DSCAML1: variants seen among roughly 807,000 people sequenced by gnomAD.
The protein encoded by DSCAML1 is cell adhesion molecule DSCAML1.
A neutral mutation model predicts 200.5 loss-of-function variants in DSCAML1; 38 were observed. The ratio of observed to expected loss-of-function variants is 0.19; its 90% confidence interval spans 0.15 to 0.25. The LOEUF (loss-of-function observed/expected upper bound fraction) is 0.25. Ranked by LOEUF, DSCAML1 falls within the 10% of genes least tolerant of loss-of-function variation. DSCAML1 has a pLI of 1.00. For synonymous variants in DSCAML1, 1,215 were observed against 1,165.0 expected, an observed-to-expected ratio of 1.04 and a Z score of -0.87; for missense variants, 2,223 against 2,858.8, an observed-to-expected ratio of 0.78 and a Z score of 5.07.
rs964815925 is a variant in DSCAML1, at chr11:117,811,304, A to G, written c.-250+6086T>C. ...AGGTCAAAAGGCCATCTTATTCTCA[A>G]TATACATTTTATTACCCAATCTGCT... is the stretch of plus-strand genomic sequence containing the variant. On this transcript the variant is annotated intron_variant, in intron 1 of 2. Transcript: ENST00000525836. Among the ~76,000 whole-genome samples, 3 of 152,328 alleles carry G rather than the reference A, an allele frequency of 2.0e-5. No homozygotes were observed. The South Asian group carries it at 6.2e-4, about 32-fold the overall frequency.
intron 3 of DSCAML1, among the ~76,000 whole-genome samples, chr11:117,557,988 T>C (rs968269042): frequency 6.6e-6 from 1 of 152,088 alleles, no homozygotes; most frequent in African/African-American, 2.4e-5. Context: ...AAGCCCGGGA[T>C]AGCAACCACA....
At chr11:117,707,209 T>C (rs656777) in intron 3 of DSCAML1, among the ~76,000 whole-genome samples, 147,751 of 152,284 alleles carry the variant, frequency 0.97, 71,843 homozygotes, top group Middle Eastern at 1. Context: ...TAGGGGAGCA[T>C]GCTATTTAGG....
At chr11:117,764,618 C>T (rs1364055148) in intron 3 of DSCAML1, among the ~76,000 whole-genome samples, 1 of 152,198 alleles carries the variant, frequency 6.6e-6, no homozygotes, top group Non-Finnish European at 1.5e-5. Context: ...GGGATGACAT[C>T]GATGTCAGAC....
At chr11:117,577,507 C>CCCTCCT (rs2050964368) in intron 3 of DSCAML1, among the ~76,000 whole-genome samples, 1 of 32,426 alleles carries the variant, frequency 3.1e-5, no homozygotes, top group South Asian at 9.2e-4. Flanking sequence ...CCTTCCTTCC[C>CCCTCCT]TCCTTCCTTC....
chr11:117,813,675 A>G (rs867342561), intron 1 of DSCAML1, among the ~76,000 whole-genome samples: 2 of 152,084 alleles, frequency 1.3e-5, no homozygotes, highest in Non-Finnish European at 2.9e-5. Context: ...TACATGACAA[A>G]TGTTTCTTCT....
At chr11:117,716,552 A>G (rs2053955092) in intron 3 of DSCAML1, among the ~76,000 whole-genome samples, 1 of 152,142 alleles carries the variant, frequency 6.6e-6, no homozygotes, top group Non-Finnish European at 1.5e-5. Flanking sequence ...GTGCCTAGCC[A>G]GAGAGGGGAG....
chr11:117,533,324 C>G (rs1432755496), intron 3 of DSCAML1, among the ~76,000 whole-genome samples: 1 of 152,138 alleles, frequency 6.6e-6, no homozygotes, highest in Non-Finnish European at 1.5e-5. Context: ...GAAACTGAGG[C>G]TTGTAGTAAA....
intron 3 of DSCAML1, among the ~76,000 whole-genome samples, chr11:117,586,471 A>G (rs1182463389): frequency 6.6e-6 from 1 of 152,184 alleles, no homozygotes; most frequent in Admixed American, 6.5e-5. Flanking sequence ...TAGGTTTAGG[A>G]CAGCCTGTTC....
chr11:117,571,828 G>C lies in DSCAML1; in HGVS notation c.512-39306C>G, dbSNP rs2050851815. 2.0e-5 allele frequency among the ~76,000 whole-genome samples: 3 copies of C among 152,174 alleles called. No homozygotes were observed. In the South Asian group the frequency reaches 6.2e-4, roughly 32 times the overall value. The stretch of plus-strand genomic sequence containing the variant: ...ATAAGATAGGTCAGCACAAGATGAA[G>C]GTCATAAAGACCTTGCTGATAAAAC... On this transcript the variant is annotated intron_variant, in intron 3 of 32. Coordinates refer to ENST00000651296, the MANE Select transcript of DSCAML1 (RefSeq NM_020693.4).
intron 8 of DSCAML1, among the ~76,000 whole-genome samples, chr11:117,514,968 G>A (rs2049727920): frequency 6.6e-6 from 1 of 152,252 alleles, no homozygotes; most frequent in Admixed American, 6.5e-5. Context: ...CAGCTGTGGG[G>A]TCGAAGATGG....
chr11:117,659,315 A>G (rs919767218), intron 3 of DSCAML1, among the ~76,000 whole-genome samples: 1 of 152,232 alleles, frequency 6.6e-6, no homozygotes, highest in Admixed American at 6.5e-5. Context: ...GAATATTTTC[A>G]CATATAGCTA....
At chr11:117,797,325 CGCGA>C, upstream of DSCAML1, 1 of 1,283,226 alleles carries the variant, frequency 7.8e-7, no homozygotes. Flanking sequence ...GTGAGCGCCG[CGCGA>C]GCCCGGAGCC....
intron 8 of DSCAML1, among the ~76,000 whole-genome samples, chr11:117,509,089 T>C (rs147417390): frequency 6.6e-6 from 1 of 152,090 alleles, no homozygotes; most frequent in Non-Finnish European, 1.5e-5. Context: ...CTCGGGGAGC[T>C]TCTCGTTTAC....
Position 117,815,259 on chromosome 11 carries a change from G to A in DSCAML1, c.-250+2131C>T, listed in dbSNP as rs1415717678. ...CTCCCCTTACCCCTTCCCCTGAAAA[G>A]TCACAGCTCCTTGACGTGTGAGCTG... On this transcript the variant is annotated intron_variant, in intron 1 of 2. Transcript: ENST00000525836. Among the ~76,000 whole-genome samples the A allele has an allele frequency of 3.3e-5, 5 of 152,320 alleles. No homozygotes were observed. The East Asian group carries it at 5.8e-4, about 18-fold the overall frequency.
chr11:117,616,868 T>A (rs2051820619), intron 3 of DSCAML1, among the ~76,000 whole-genome samples: 1 of 152,246 alleles, frequency 6.6e-6, no homozygotes, highest in East Asian at 1.9e-4. Context: ...TGATTGACTT[T>A]AAAATAGTAA....
At chr11:117,783,597 A>G (rs2055300568) in intron 1 of DSCAML1, among the ~76,000 whole-genome samples, 2 of 151,908 alleles carry the variant, frequency 1.3e-5, no homozygotes, top group Non-Finnish European at 2.9e-5. Flanking sequence ...CGGGGGTGTT[A>G]TTATTATTAT....
intron 3 of DSCAML1, among the ~76,000 whole-genome samples, chr11:117,649,947 C>T (rs1387962783): frequency 6.6e-6 from 1 of 152,198 alleles, no homozygotes; most frequent in African/African-American, 2.4e-5. Flanking sequence ...CTTGACCCTT[C>T]CTCATTGGAA....
Position 117,435,799 on chromosome 11 carries a change from C to T in DSCAML1, c.4721G>A (p.Ser1574Asn). 6.2e-7 allele frequency: 1 copy of T among 1,602,428 alleles called. No homozygotes were observed. The highest frequency in any genetic ancestry group is 8.5e-7 in the Non-Finnish European group (1 of 1,170,700). ...AQFATLDYDG[S>N]TIPPIKSAQG... ...AGCAGACTTGATGGGTGGAATGGTG[C>T]CTGAATGAGGGCAAAGAATAGAATT... is the stretch of plus-strand genomic sequence containing the variant. Residue 1574 changes from serine (S) to asparagine (N), a missense_variant and splice_region_variant, in exon 27 of 33, where the codon AGC (serine) becomes AAC (asparagine). By Grantham distance (46) the Ser-to-Asn change is conservative. Around this residue, in one of 7 missense-constraint regions of DSCAML1, gnomAD observed 614 missense variants for 739.1 expected, o/e 0.83. Coordinates refer to ENST00000651296, the MANE Select transcript of DSCAML1 (RefSeq NM_020693.4).
At chr11:117,756,209 G>T (rs765411507) in intron 3 of DSCAML1, among the ~76,000 whole-genome samples, 5 of 152,208 alleles carry the variant, frequency 3.3e-5, no homozygotes, top group Non-Finnish European at 5.9e-5. Context: ...CAGGAAGGAA[G>T]GTCACTCAAC....
Sources: allele counts gnomAD v4.1 joint callset (sites outside exome capture counted in the v4.1 genomes callset), GRCh38; gene constraint gnomAD v4.1.1; regional missense constraint gnomAD v4.1.1; transcripts MANE v1.5; gene names NCBI Gene and HGNC (gene_info 2026-07-23, HGNC 2026-07-21).